The following LIPA variants were observed in gnomAD, a reference collection of about 807,000 sequenced individuals.
LIPA encodes lipase A, lysosomal acid type.
LIPA carries 26 observed loss-of-function variants against 40.6 expected under a neutral mutation model. That is an observed-to-expected ratio of 0.64 (90% CI 0.47 to 0.89). LIPA has a LOEUF of 0.89. LIPA is among the 40% of genes least tolerant of loss of function. The probability of loss-of-function intolerance (pLI) is 0.00; values close to 1 mark genes in which losing one functional copy is unlikely to be tolerated. For synonymous variants in LIPA, 188 were observed against 168.4 expected (o/e 1.12, Z -0.90); for missense variants, 455 against 479.6 (o/e 0.95, Z 0.48).
chr10:89,266,773 A>G (rs1843238344), intron 1 of LIPA, among the ~76,000 whole-genome samples: 1 of 152,258 alleles, frequency 6.6e-6, no homozygotes, highest in East Asian at 1.9e-4. Flanking sequence ...GTTCCAGAGC[A>G]AGAATGGTCT....
In LIPA at chr10:89,214,964, A is replaced by G. The variant is rs1348525551; in HGVS notation, c.1064T>C (p.Ile355Thr). 3.2e-5 allele frequency: 51 copies of G among 1,614,048 alleles called. No homozygotes were observed. The highest frequency in any genetic ancestry group is 4.2e-5 in the Non-Finnish European group (50 of 1,179,942). ...CAAGTTGGTGATCTGAGTCAGTAAG[A>G]TATTGACGTCGTAGACATCTGCAAG... ...DWLADVYDVN[I>T]LLTQITNLVF... Residue 355 changes from isoleucine (I) to threonine (T), a missense_variant, in exon 10 of 10, where the codon ATC becomes ACC. Ile to Thr is a moderately conservative substitution (Grantham distance 89). Transcript: ENST00000336233.
chr10:89,376,020 C>G (rs1269329374), intron 2 of LIPA, among the ~76,000 whole-genome samples: 1 of 151,764 alleles, frequency 6.6e-6, no homozygotes, highest in Non-Finnish European at 1.5e-5. Flanking sequence ...AACCCCATCT[C>G]TACTAAAAAT....
chr10:89,406,069 A>G, intron 2 of LIPA: 1 of 152,208 alleles, frequency 6.6e-6, no homozygotes, highest in African/African-American at 2.4e-5. Context: ...ATTAAATGCT[A>G]TATTTTCGTT....
At chr10:89,306,491 G>C (rs757318313) in intron 1 of LIPA, 2 of 1,614,074 alleles carry the variant, frequency 1.2e-6, no homozygotes, top group Non-Finnish European at 1.7e-6. Context: ...CTCTGGACTG[G>C]CAATAGCAAG....
intron 2 of LIPA, among the ~76,000 whole-genome samples, chr10:89,409,679 A>G (rs12356008): frequency 0.25 from 38,175 of 151,936 alleles, 4,932 homozygotes; most frequent in Middle Eastern, 0.28. Context: ...CTCAGTGTTA[A>G]TCTCCTGTCC....
At chr10:89,226,149 G>A (rs1842767472) in intron 5 of LIPA, among the ~76,000 whole-genome samples, 1 of 152,144 alleles carries the variant, frequency 6.6e-6, no homozygotes, top group Non-Finnish European at 1.5e-5. Flanking sequence ...AGTCATGAAA[G>A]AAGAAATATA....
chr10:89,233,398 T>C (rs1203027425), intron 3 of LIPA, among the ~76,000 whole-genome samples: 2 of 152,254 alleles, frequency 1.3e-5, no homozygotes, highest in Non-Finnish European at 2.9e-5. Context: ...CTTTAGAGAA[T>C]GGAGGCCACT....
intron 2 of LIPA, chr10:89,384,177 T>C: frequency 6.2e-7 from 1 of 1,614,188 alleles, no homozygotes; most frequent in East Asian, 2.2e-5. Context: ...CCTTCCTGCA[T>C]CACCAAATGG....
chr10:89,317,469 G>C (rs1457124875), intron 1 of LIPA, among the ~76,000 whole-genome samples: 1 of 152,200 alleles, frequency 6.6e-6, no homozygotes, highest in Non-Finnish European at 1.5e-5. Context: ...GGGTATTAGT[G>C]ATTGAAGATC....
At chr10:89,264,040 G>A (rs1051676832) in intron 1 of LIPA, among the ~76,000 whole-genome samples, 2 of 152,244 alleles carry the variant, frequency 1.3e-5, no homozygotes, top group African/African-American at 4.8e-5. Context: ...AAACCACAGT[G>A]CCCCAAAGAG....
intron 1 of LIPA, among the ~76,000 whole-genome samples, chr10:89,268,964 C>A (rs1255214130): frequency 2.2e-5 from 3 of 136,156 alleles, no homozygotes; most frequent in African/African-American, 5.6e-5. Context: ...CCAGTCTGGG[C>A]GACAGAGACA....
intron 1 of LIPA, among the ~76,000 whole-genome samples, chr10:89,279,251 C>G (rs936052751): frequency 6.6e-6 from 1 of 152,194 alleles, no homozygotes; most frequent in Non-Finnish European, 1.5e-5. Context: ...CCTCCCTGCC[C>G]ATAGTATGGT....
intron 1 of LIPA, among the ~76,000 whole-genome samples, chr10:89,248,906 T>C (rs1843075154): frequency 6.6e-6 from 1 of 152,114 alleles, no homozygotes. Context: ...CATGGAGAAA[T>C]AACAAAAGGC....
rs1322787302 is a variant in LIPA, at chr10:89,302,198, A to T, written c.-2+40413T>A. ...TGTCCAATGCAAATCCTGAGAAGCT[A>T]TGTTCCCAAAGAGGGCCAGCTCCAT... is the stretch of plus-strand genomic sequence containing the variant. On this transcript the variant is annotated intron_variant, in intron 1 of 5. Transcript: ENST00000282673. 8.4e-6 allele frequency: 13 copies of T among 1,548,068 alleles called. No homozygotes were observed. The East Asian group carries it at 2.9e-4, about 35-fold the overall frequency.
chr10:89,239,174 C>T (rs1479386767), intron 3 of LIPA, among the ~76,000 whole-genome samples: 1 of 152,168 alleles, frequency 6.6e-6, no homozygotes, highest in Admixed American at 6.5e-5. Flanking sequence ...GGACATCTAG[C>T]AGATGCAGGA....
chr10:89,241,247 G>T (rs924879693), intron 3 of LIPA, among the ~76,000 whole-genome samples: 2 of 152,184 alleles, frequency 1.3e-5, no homozygotes, highest in African/African-American at 4.8e-5. Context: ...GAGATAAGCT[G>T]TACAGCTGAC....
chr10:89,302,393 GA>G (rs1196817027), intron 1 of LIPA, among the ~76,000 whole-genome samples: 3 of 152,316 alleles, frequency 2.0e-5, no homozygotes, highest in South Asian at 2.1e-4. Flanking sequence ...ATCAGAGAAA[GA>G]AGGCAGCAGA....
chr10:89,407,414 A>G (rs898513756), intron 2 of LIPA, among the ~76,000 whole-genome samples: 1 of 152,106 alleles, frequency 6.6e-6, no homozygotes, highest in Admixed American at 6.5e-5. Context: ...CTCTGTTACC[A>G]TCTTTAGGCA....
chr10:89,330,572 G>T (rs1036595063), intron 1 of LIPA, among the ~76,000 whole-genome samples: 1 of 152,216 alleles, frequency 6.6e-6, no homozygotes, highest in Non-Finnish European at 1.5e-5. Context: ...GGAGAAGGGT[G>T]AAAGTGGTTC....
Sources: allele counts gnomAD v4.1 joint callset (sites outside exome capture counted in the v4.1 genomes callset), GRCh38; gene constraint gnomAD v4.1.1; transcripts MANE v1.5; gene names NCBI Gene and HGNC (gene_info 2026-07-23, HGNC 2026-07-21).